The following ERO1B variants were observed in gnomAD, a reference collection of about 807,000 sequenced individuals.
ERO1B encodes endoplasmic reticulum oxidoreductase 1 beta.
ERO1B carries 49 observed loss-of-function variants against 75.3 expected under a neutral mutation model. The ratio of observed to expected loss-of-function variants is 0.65; its 90% CI spans 0.52 to 0.83. The LOEUF (loss-of-function observed/expected upper bound fraction) is 0.83, where lower values mean the gene tolerates loss of function less well. Among genes scored for constraint, ERO1B ranks in the 40% least tolerant of loss-of-function variants. The pLI is 0.00. For missense variants in ERO1B, 512 were observed against 560.1 expected (o/e 0.91, Z 0.87); for synonymous variants, 191 against 192.9 (o/e 0.99, Z 0.08).
At chr1:236,232,332 G>C (rs1338221396) in intron 9 of ERO1B, among the ~76,000 whole-genome samples, 4 of 152,128 alleles carry the variant, frequency 2.6e-5, no homozygotes, top group Admixed American at 2.6e-4. Flanking sequence ...AACACAGAGA[G>C]GTAAACATTC....
At chr1:236,223,711 A>C (rs1468491466) in intron 13 of ERO1B, among the ~76,000 whole-genome samples, 1 of 152,244 alleles carries the variant, frequency 6.6e-6, no homozygotes, top group African/African-American at 2.4e-5. Flanking sequence ...AAAAACATAC[A>C]TAATTATAGT....
chr1:236,268,042 T>A (rs1572066502), intron 2 of ERO1B: 1 of 152,306 alleles, frequency 6.6e-6, no homozygotes, highest in East Asian at 1.9e-4. Context: ...AATAGTCTAT[T>A]TAGGTATAGA....
intron 2 of ERO1B, among the ~76,000 whole-genome samples, chr1:236,268,312 C>CAT (rs1665499736): frequency 1.3e-5 from 2 of 151,922 alleles, no homozygotes; most frequent in South Asian, 4.2e-4. Context: ...TGGTGGTGGG[C>CAT]GCCTGTAATC....
At position 236,226,451 on chromosome 1, in the gene ERO1B, C is replaced by T; in HGVS notation, c.870G>A (p.Val290=). The change falls in exon 12 of 16, where the codon GTG becomes GTA. Residue 290 remains valine (V), a synonymous_variant. Coordinates refer to ENST00000354619, the MANE Select transcript of ERO1B (RefSeq NM_019891.4). ...TTCTTGGACCTTCTCCCTTGGTTTC[C>T]ACAGGGTCAAAGCGGTGTTTGAATT... The part of the protein sequence containing the change: ...IKEFKHRFDP[V]ETKGEGPRRL... 5 of 1,614,098 alleles carry T rather than the reference C, an allele frequency of 3.1e-6. No individual in the cohort carries two copies. The highest frequency in any genetic ancestry group is 4.2e-6 in the Non-Finnish European group (5 of 1,180,006).
chr1:236,230,684 A>G (rs1352520619), intron 9 of ERO1B, among the ~76,000 whole-genome samples: 1 of 151,782 alleles, frequency 6.6e-6, no homozygotes, highest in African/African-American at 2.4e-5. Context: ...TGCTTCAGGT[A>G]AAATAGAAAA....
In ERO1B at chr1:236,223,975, C is replaced by T. The variant is rs1664219606; in HGVS notation, c.1122+1095G>A. 2.6e-5 allele frequency among the ~76,000 whole-genome samples: 4 copies of T among 152,274 alleles called. No individual in the cohort carries two copies. In the South Asian group the frequency reaches 8.3e-4, roughly 32 times the overall value. ...TATTGATTTATTGGTTCCTATAGTA[C>T]ATCCACATCTAAAACATCTTGGGGT... On this transcript the variant is annotated intron_variant, in intron 13 of 15. Coordinates refer to ENST00000354619, the MANE Select transcript of ERO1B (RefSeq NM_019891.4).
intron 1 of ERO1B, 123 bp downstream of exon 1, chr1:236,281,559 C>T (rs1473888510): frequency 1.5e-6 from 1 of 661,910 alleles, no homozygotes; most frequent in Non-Finnish European, 2.2e-6. Flanking sequence ...TTTCTGCTCG[C>T]CAGAAATCAC....
intron 5 of ERO1B, among the ~76,000 whole-genome samples, chr1:236,246,369 C>T (rs1431167892): frequency 6.6e-6 from 1 of 151,744 alleles, no homozygotes; most frequent in Non-Finnish European, 1.5e-5. Flanking sequence ...GACAGGATCT[C>T]ACTTGTTGGC....
intron 6 of ERO1B, among the ~76,000 whole-genome samples, chr1:236,241,125 C>T (rs1664688065): frequency 6.6e-6 from 1 of 152,148 alleles, no homozygotes; most frequent in African/African-American, 2.4e-5. Flanking sequence ...AGCAAAACAG[C>T]AGGAAATGGA....
chr1:236,232,849 A>G lies in ERO1B; in HGVS notation c.674-10T>C, dbSNP rs1266738781. 1 of 1,591,886 alleles carries G rather than the reference A, an allele frequency of 6.3e-7. No homozygotes were observed. Among genetic ancestry groups the G allele is most frequent in the African/African-American group, 1.3e-5 (1 of 74,178 alleles). ...TCACCATCATCTTCGCCTAAAAGAG[A>G]AAATAATAGAAAAGATTTTAGAAAA... is the stretch of plus-strand genomic sequence containing the variant. On this transcript the variant is annotated splice_polypyrimidine_tract_variant and intron_variant, in intron 8 of 15. Transcript: ENST00000354619.
chr1:236,224,510 T>C (rs1042885902), intron 13 of ERO1B, among the ~76,000 whole-genome samples: 13 of 151,806 alleles, frequency 8.6e-5, no homozygotes, highest in South Asian at 4.2e-4. Flanking sequence ...TTTATGAACA[T>C]TTTAAGGGTA....
At chr1:236,268,687 C>A (rs918537561) in intron 2 of ERO1B, among the ~76,000 whole-genome samples, 1 of 150,748 alleles carries the variant, frequency 6.6e-6, no homozygotes, top group African/African-American at 2.4e-5. Flanking sequence ...GAGATCAAGA[C>A]CATCCTGGCT....
At chr1:236,258,405 A>C (rs1237422001) in intron 2 of ERO1B, among the ~76,000 whole-genome samples, 1 of 152,188 alleles carries the variant, frequency 6.6e-6, no homozygotes, top group Non-Finnish European at 1.5e-5. Context: ...CTGAAAGAAA[A>C]GGAAGAAAAA....
chr1:236,271,069 A>T (rs1435656687), intron 1 of ERO1B, among the ~76,000 whole-genome samples: 1 of 152,228 alleles, frequency 6.6e-6, no homozygotes, highest in East Asian at 1.9e-4. Context: ...AGATCAGTAG[A>T]TTCTATCACT....
rs1572034678 is a variant in ERO1B, at chr1:236,230,243, T to C, written c.693A>G (p.Ser231=). 1 of 1,593,746 alleles carries C rather than the reference T, an allele frequency of 6.3e-7. No homozygotes were observed. The highest frequency in any genetic ancestry group is 8.6e-7 in the Non-Finnish European group (1 of 1,163,454). ...GTTTACCTTCTAGCCATGTGTAGAA[T>C]GATTCTCCTGAGAGAGAGAGAAAAG... ...APSRGEDDGE[S]FYTWLEGLCL... is the part of the protein sequence containing the mutation. The change falls in exon 10 of 16, where the codon TCA becomes TCG. Residue 231 remains serine, a synonymous_variant. Coordinates refer to ENST00000354619, the MANE Select transcript of ERO1B (RefSeq NM_019891.4).
intron 4 of ERO1B, chr1:236,251,523 G>A: frequency 4.3e-6 from 4 of 936,008 alleles, no homozygotes; most frequent in Non-Finnish European, 3.8e-6. Context: ...AGGAGACAGA[G>A]AGAGAGGGTA....
intron 10 of ERO1B, among the ~76,000 whole-genome samples, chr1:236,229,308 C>A (rs1196738283): frequency 6.6e-6 from 1 of 151,864 alleles, no homozygotes; most frequent in Non-Finnish European, 1.5e-5. Flanking sequence ...GCCTGTAATC[C>A]CAGCTATTTG....
chr1:236,222,183 T>C (rs1664165282), intron 13 of ERO1B, among the ~76,000 whole-genome samples, 173 bp from the exon 14 acceptor site: 1 of 152,146 alleles, frequency 6.6e-6, no homozygotes, highest in African/African-American at 2.4e-5. Context: ...CATCTCGGCT[T>C]AGTGCAACCT....
At chr1:236,265,715 C>T (rs1222416161) in intron 2 of ERO1B, among the ~76,000 whole-genome samples, 3 of 152,198 alleles carry the variant, frequency 2.0e-5, no homozygotes, top group African/African-American at 7.2e-5. Flanking sequence ...TACGGTCCTA[C>T]TGTTTTTTAA....
Sources: allele counts gnomAD v4.1 joint callset (sites outside exome capture counted in the v4.1 genomes callset), GRCh38; gene constraint gnomAD v4.1.1; transcripts MANE v1.5; gene names NCBI Gene and HGNC (gene_info 2026-07-23, HGNC 2026-07-21).